CIMAP2: variants seen among roughly 807,000 people sequenced by gnomAD.
CIMAP2 encodes the protein ciliary microtubule associated protein 2.
At chr1:54,811,765 G>GCCGGGGGGGGGGGGC in the CIMAP2 span, 11 of 1,301,322 alleles carry the variant, frequency 8.5e-6, no homozygotes, top group East Asian at 2.5e-5. Flanking sequence ...GGTTCTGACA[G>GCCGGGGGGGGGGGGC]CCTCCATGCC....
At chr1:54,834,671 A>T in the CIMAP2 span, among the ~76,000 whole-genome samples, 1 of 152,182 alleles carries the variant, frequency 6.6e-6, no homozygotes, top group Non-Finnish European at 1.5e-5. Flanking sequence ...ACCCAAGTCT[A>T]AACGTGAAAT....
At chr1:54,818,639 T>G in the CIMAP2 span, among the ~76,000 whole-genome samples, 1 of 152,180 alleles carries the variant, frequency 6.6e-6, no homozygotes, top group Non-Finnish European at 1.5e-5. Flanking sequence ...ACGCCCAGCC[T>G]GGAGCACAGT....
the CIMAP2 span, chr1:54,814,837 G>T: frequency 6.3e-7 from 1 of 1,592,810 alleles, no homozygotes; most frequent in Non-Finnish European, 8.6e-7. Context: ...CAGCTGGCCA[G>T]AGCCCTCACC....
the CIMAP2 span, among the ~76,000 whole-genome samples, chr1:54,826,860 G>C: frequency 6.6e-6 from 1 of 152,210 alleles, no homozygotes; most frequent in African/African-American, 2.4e-5. Context: ...TACATTCAAC[G>C]TGTGGTTATC....
the CIMAP2 span, among the ~76,000 whole-genome samples, chr1:54,824,769 G>A: frequency 6.6e-6 from 1 of 151,814 alleles, no homozygotes; most frequent in Non-Finnish European, 1.5e-5. Context: ...ATCTCATTCA[G>A]ATCATCAATT....
At chr1:54,811,649 G>A in the CIMAP2 span, 1 of 835,938 alleles carries the variant, frequency 1.2e-6, no homozygotes, top group Middle Eastern at 3.6e-4. Flanking sequence ...CAACAATGTT[G>A]TGTGTCAGAG....
At chr1:54,835,128 C>T in the CIMAP2 span, among the ~76,000 whole-genome samples, 7 of 152,314 alleles carry the variant, frequency 4.6e-5, no homozygotes, top group East Asian at 1.9e-4. Context: ...TCCTCTGTAA[C>T]GACAGTAATA....
the CIMAP2 span, chr1:54,842,072 G>A: frequency 1.7e-6 from 1 of 603,088 alleles, no homozygotes; most frequent in East Asian, 2.8e-5. Context: ...GACAGCTGGG[G>A]ACAGGTATCT....
the CIMAP2 span, among the ~76,000 whole-genome samples, chr1:54,819,473 A>G: frequency 1.3e-5 from 2 of 152,158 alleles, no homozygotes; most frequent in African/African-American, 2.4e-5. Flanking sequence ...AGCCAAAGCA[A>G]TCCTCACCTT....
At chr1:54,836,547 A>G in the CIMAP2 span, among the ~76,000 whole-genome samples, 2 of 151,876 alleles carry the variant, frequency 1.3e-5, no homozygotes, top group South Asian at 4.2e-4. Context: ...GGGAGAAAAA[A>G]GTTGATGATT....
chr1:54,807,771 T>G, the CIMAP2 span: 15 of 1,513,702 alleles, frequency 9.9e-6, no homozygotes, highest in Non-Finnish European at 4.4e-6. Context: ...TGGCCTTCAG[T>G]GTCCTCCCAA....
At chr1:54,836,210 C>G in the CIMAP2 span, among the ~76,000 whole-genome samples, 1 of 151,830 alleles carries the variant, frequency 6.6e-6, no homozygotes, top group South Asian at 2.1e-4. Flanking sequence ...GAGAGAAGGC[C>G]CTACTTTTTC....
chr1:54,838,562 G>C, the CIMAP2 span, among the ~76,000 whole-genome samples: 76 of 152,142 alleles, frequency 5.0e-4, no homozygotes, highest in Non-Finnish European at 9.6e-4. Context: ...ATATAGGTGA[G>C]GAAACTGAGT....
At chr1:54,806,207 G>T in the CIMAP2 span, 19 of 1,540,246 alleles carry the variant, frequency 1.2e-5, no homozygotes, top group East Asian at 4.4e-4. Context: ...GCCCTTCGGG[G>T]TGCAGAGCCA....
the CIMAP2 span, among the ~76,000 whole-genome samples, chr1:54,838,935 T>TGG: frequency 1.3e-5 from 2 of 151,924 alleles, no homozygotes; most frequent in Non-Finnish European, 2.9e-5. Context: ...GGGCAGGGAT[T>TGG]GGGGGGAGTA....
the CIMAP2 span, among the ~76,000 whole-genome samples, chr1:54,819,866 T>TTC: frequency 1.0e-5 from 1 of 98,378 alleles, no homozygotes; most frequent in African/African-American, 5.8e-5. Context: ...CCTTCCTTCC[T>TTC]CTCTTTCTTC....
At chr1:54,839,674 A>G in the CIMAP2 span, among the ~76,000 whole-genome samples, 21 of 152,256 alleles carry the variant, frequency 1.4e-4, no homozygotes, top group Non-Finnish European at 2.1e-4. Flanking sequence ...CACCATGCCC[A>G]GCCTAAAGTT....
At chr1:54,809,294 T>C in the CIMAP2 span, among the ~76,000 whole-genome samples, 3,778 of 152,112 alleles carry the variant, frequency 0.025, 195 homozygotes, top group East Asian at 0.24. Context: ...CTCCTACACC[T>C]CACCACTGGG....
At chr1:54,808,604 G>C in the CIMAP2 span, among the ~76,000 whole-genome samples, 1 of 127,170 alleles carries the variant, frequency 7.9e-6, no homozygotes, top group African/African-American at 2.8e-5. Context: ...TGTTATTCCA[G>C]GTGCTGCCGG....
Sources: allele counts gnomAD v4.1 joint callset (sites outside exome capture counted in the v4.1 genomes callset), GRCh38; gene constraint gnomAD v4.1.1; transcripts MANE v1.5; gene names NCBI Gene and HGNC (gene_info 2026-07-23, HGNC 2026-07-21).